The following ROR1 variants were observed in gnomAD, a reference collection of about 807,000 sequenced individuals.
ROR1 encodes inactive tyrosine-protein kinase transmembrane receptor ROR1.
Under a neutral mutation model 78.8 loss-of-function variants are expected in ROR1, and 19 were observed. The observed-to-expected ratio is 0.24, with a 90% CI of 0.17 to 0.35. The LOEUF is 0.35. ROR1 is among the 10% of genes least tolerant of loss of function. The pLI is 1.00. For synonymous variants in ROR1, 386 were observed against 433.6 expected (o/e 0.89, Z 1.36); for missense variants, 917 against 1,177.8 (o/e 0.78, Z 3.24).
intron 1 of ROR1, among the ~76,000 whole-genome samples, chr1:63,814,774 T>C (rs1378039446): frequency 6.6e-6 from 1 of 152,188 alleles, no homozygotes; most frequent in East Asian, 1.9e-4. Flanking sequence ...GGGGAGCAGC[T>C]GTAAATACAG....
rs539557050 is a variant in ROR1, at chr1:64,071,390, G to A, written c.482+20674G>A. Reference sequence around the variant, plus strand: ...GTGGTTTGATGACTTGGACCAGGTCGGGGTAGGTGAGTTGTAAAGAAGTAA... The same window carrying A: ...GTGGTTTGATGACTTGGACCAGGTCAGGGTAGGTGAGTTGTAAAGAAGTAA... On this transcript the variant is annotated intron_variant, in intron 4 of 8. Transcript: ENST00000371079. 6.6e-5 allele frequency among the ~76,000 whole-genome samples: 10 copies of A among 152,270 alleles called. 1 individual carries two copies. In the South Asian group the frequency reaches 2.1e-3, roughly 32 times the overall value.
At chr1:64,146,671 G>A (rs1649482092) in intron 7 of ROR1, among the ~76,000 whole-genome samples, 1 of 151,134 alleles carries the variant, frequency 6.6e-6, no homozygotes, top group Non-Finnish European at 1.5e-5. Flanking sequence ...ATTAGTTTAA[G>A]CAAGGATTAC....
chr1:64,149,924 T>A (rs1649574548), intron 7 of ROR1, among the ~76,000 whole-genome samples: 3 of 152,312 alleles, frequency 2.0e-5, no homozygotes, highest in African/African-American at 7.2e-5. Context: ...TGCAACAATC[T>A]GTCCATTTTA....
At chr1:64,122,950 C>G (rs913006041) in intron 4 of ROR1, among the ~76,000 whole-genome samples, 1 of 152,164 alleles carries the variant, frequency 6.6e-6, no homozygotes, top group African/African-American at 2.4e-5. Context: ...AATGGCTCCT[C>G]CCTCATTTCA....
At chr1:64,089,771 G>C (rs924197849) in intron 4 of ROR1, among the ~76,000 whole-genome samples, 1 of 152,176 alleles carries the variant, frequency 6.6e-6, no homozygotes, top group African/African-American at 2.4e-5. Flanking sequence ...GGAAATGTAA[G>C]AAGATGATAC....
chr1:63,785,700 AT>A (rs1644680286), intron 1 of ROR1, among the ~76,000 whole-genome samples: 1 of 151,544 alleles, frequency 6.6e-6, no homozygotes, highest in African/African-American at 2.4e-5. Context: ...TAATTTTTGT[AT>A]TTTTAGTAGA....
At chr1:63,984,621 C>A (rs1570014625) in intron 1 of ROR1, among the ~76,000 whole-genome samples, 1 of 152,154 alleles carries the variant, frequency 6.6e-6, no homozygotes, top group African/African-American at 2.4e-5. Context: ...CAAAAGAGTT[C>A]TTTGCAGAGT....
Position 63,891,398 on chromosome 1 carries a change from C to T in ROR1, c.91+116890C>T, listed in dbSNP as rs144330568. On this transcript the variant is annotated intron_variant, in intron 1 of 8. Transcript: ENST00000371079. Reference sequence around the variant, plus strand: ...GTGGTGAGGACTCCTTTGTCTGAGGCACTTAGAGCTGTTGAAGGTGTGTTG... The same window carrying T: ...GTGGTGAGGACTCCTTTGTCTGAGGTACTTAGAGCTGTTGAAGGTGTGTTG... 3.8e-3 allele frequency among the ~76,000 whole-genome samples: 575 copies of T among 152,248 alleles called. 2 individuals carry two copies. Among genetic ancestry groups the T allele is most frequent in the Non-Finnish European group, 6.4e-3 (435 of 68,010 alleles).
intron 4 of ROR1, among the ~76,000 whole-genome samples, chr1:64,072,750 T>A (rs1383309093): frequency 6.6e-6 from 1 of 152,034 alleles, no homozygotes; most frequent in Non-Finnish European, 1.5e-5. Context: ...TGGCAACTGG[T>A]ATATGATCCT....
chr1:64,093,395 C>G (rs1202117339), intron 4 of ROR1, among the ~76,000 whole-genome samples: 1 of 152,126 alleles, frequency 6.6e-6, no homozygotes, highest in African/African-American at 2.4e-5. Flanking sequence ...CTTGAGAGAG[C>G]ATCTCATCTG....
chr1:63,913,273 G>GT (rs1277501416), intron 1 of ROR1, among the ~76,000 whole-genome samples: 1 of 151,732 alleles, frequency 6.6e-6, no homozygotes, highest in Non-Finnish European at 1.5e-5. Context: ...GGGTTGCAAG[G>GT]TTTTTTTCTA....
intron 4 of ROR1, among the ~76,000 whole-genome samples, chr1:64,101,014 G>A (rs1647514503): frequency 6.6e-6 from 1 of 152,178 alleles, no homozygotes; most frequent in Non-Finnish European, 1.5e-5. Flanking sequence ...GGCACGTAGT[G>A]CATTCTTTTA....
At chr1:63,833,990 C>CTTTTTTTTTTTTTTTT (rs71056008) in intron 1 of ROR1, among the ~76,000 whole-genome samples, 6 of 132,018 alleles carry the variant, frequency 4.5e-5, no homozygotes, top group African/African-American at 5.6e-5. Context: ...TCTTCTTCTT[C>CTTTTTTTTTTTTTTTT]TTTTTTTTTT....
intron 1 of ROR1, among the ~76,000 whole-genome samples, chr1:63,868,887 T>C (rs1323841111): frequency 3.3e-5 from 5 of 152,242 alleles, no homozygotes; most frequent in Non-Finnish European, 7.3e-5. Flanking sequence ...TTTTAGCAAA[T>C]AGGCACTTAT....
intron 2 of ROR1, among the ~76,000 whole-genome samples, chr1:64,010,349 G>A (rs78566216): frequency 0.02 from 3,069 of 150,938 alleles, 105 homozygotes; most frequent in African/African-American, 0.071. Context: ...GTTCCTTGTA[G>A]GAGGGTTTCT....
At chr1:63,852,210 C>T (rs1645118290) in intron 1 of ROR1, among the ~76,000 whole-genome samples, 1 of 152,202 alleles carries the variant, frequency 6.6e-6, no homozygotes, top group African/African-American at 2.4e-5. Context: ...AAACTTGCCC[C>T]ATATGCACAG....
chr1:64,104,484 CT>C (rs140148564), intron 4 of ROR1, among the ~76,000 whole-genome samples: 20,549 of 146,546 alleles, frequency 0.14, 1,553 homozygotes, highest in African/African-American at 0.19. Context: ...GTAATAAATT[CT>C]TTTTTTTTTT....
chr1:64,057,425 C>G (rs1396655249), intron 4 of ROR1, among the ~76,000 whole-genome samples: 2 of 152,080 alleles, frequency 1.3e-5, no homozygotes, highest in African/African-American at 4.8e-5. Flanking sequence ...ACTGGAGAAA[C>G]AAAACCAGTA....
chr1:63,913,447 G>T (rs1645586337), intron 1 of ROR1, among the ~76,000 whole-genome samples: 1 of 152,138 alleles, frequency 6.6e-6, no homozygotes, highest in Non-Finnish European at 1.5e-5. Flanking sequence ...GGATAAAATT[G>T]GGGGTATGCT....
Sources: allele counts gnomAD v4.1 joint callset (sites outside exome capture counted in the v4.1 genomes callset), GRCh38; gene constraint gnomAD v4.1.1; transcripts MANE v1.5; gene names NCBI Gene and HGNC (gene_info 2026-07-23, HGNC 2026-07-21).